The following ADAMTS17 variants were observed in gnomAD, a reference collection of about 807,000 sequenced individuals.
The protein encoded by ADAMTS17 is A disintegrin and metalloproteinase with thrombospondin motifs 17.
A neutral mutation model predicts 141.5 loss-of-function variants in ADAMTS17; 113 were observed. The observed-to-expected ratio is 0.80, with a 90% confidence interval of 0.69 to 0.93. The LOEUF is 0.93. ADAMTS17 is among the 40% of genes least tolerant of loss of function. The pLI, the probability that ADAMTS17 is intolerant of heterozygous loss-of-function variation, is 0.00. For missense variants in ADAMTS17, 1,659 were observed against 1,517.9 expected (o/e 1.09, Z -1.54); for synonymous variants, 768 against 630.6 (o/e 1.22, Z -3.27).
At chr15:100,194,245 G>C (rs576064569) in intron 8 of ADAMTS17, among the ~76,000 whole-genome samples, 31 of 152,176 alleles carry the variant, frequency 2.0e-4, no homozygotes, top group African/African-American at 7.0e-4. Flanking sequence ...ACAGGGTCCT[G>C]GGTTTCCCTA....
chr15:100,039,061 C>T (rs553083674), intron 18 of ADAMTS17, among the ~76,000 whole-genome samples: 1 of 152,312 alleles, frequency 6.6e-6, no homozygotes, highest in Non-Finnish European at 1.5e-5. Flanking sequence ...TGTTCATTCC[C>T]AATCCTTTTT....
intron 15 of ADAMTS17, among the ~76,000 whole-genome samples, chr15:100,064,831 G>A (rs549422436): frequency 2.6e-5 from 4 of 152,302 alleles, no homozygotes; most frequent in South Asian, 2.1e-4. Context: ...ATTCTGAAAC[G>A]TAGGCTGGTA....
intron 9 of ADAMTS17, among the ~76,000 whole-genome samples, 186 bp from the exon 10 acceptor site, chr15:100,152,948 A>G (rs2039250474): frequency 9.2e-5 from 2 of 21,856 alleles, no homozygotes; most frequent in South Asian, 3.4e-3. Flanking sequence ...CTTTTTCTAC[A>G]TGGCCAAATG....
chr15:100,092,574 A>T (rs910474562), intron 15 of ADAMTS17, among the ~76,000 whole-genome samples: 1 of 152,212 alleles, frequency 6.6e-6, no homozygotes, highest in Non-Finnish European at 1.5e-5. Context: ...AAGAAGCCTC[A>T]TTTTGTACCA....
intron 7 of ADAMTS17, among the ~76,000 whole-genome samples, chr15:100,214,877 G>A (rs1434478255): frequency 6.6e-6 from 1 of 152,244 alleles, no homozygotes; most frequent in African/African-American, 2.4e-5. Context: ...CCATGAAAGA[G>A]TAAAGCTTTG....
chr15:100,081,840 T>C (rs998779662), intron 15 of ADAMTS17, among the ~76,000 whole-genome samples: 4 of 152,260 alleles, frequency 2.6e-5, no homozygotes, highest in African/African-American at 4.8e-5. Context: ...TCCTATACAC[T>C]TATTGACCAT....
chr15:100,171,425 T>C (rs77173552), intron 8 of ADAMTS17, among the ~76,000 whole-genome samples: 8,698 of 152,212 alleles, frequency 0.057, 343 homozygotes, highest in East Asian at 0.17. Flanking sequence ...CGCAGGGCTA[T>C]GAAATGCATG....
chr15:100,246,689 C>T (rs143832347), intron 7 of ADAMTS17, among the ~76,000 whole-genome samples: 12 of 152,126 alleles, frequency 7.9e-5, no homozygotes, highest in African/African-American at 2.7e-4. Context: ...CATTTGCCCT[C>T]GTAGGCAATG....
chr15:100,097,412 T>C (rs1002208626), intron 14 of ADAMTS17, among the ~76,000 whole-genome samples: 14 of 152,342 alleles, frequency 9.2e-5, no homozygotes, highest in African/African-American at 2.9e-4. Context: ...AAGATAATCC[T>C]GGTGGAGGTG....
In ADAMTS17 at chr15:100,331,958, C is replaced by T. The variant is rs560057940; in HGVS notation, c.451-904G>A. Among the ~76,000 whole-genome samples the T allele has an allele frequency of 5.4e-5, 8 of 149,230 alleles. No homozygotes were observed. The East Asian group carries it at 1.5e-3, about 29-fold the overall frequency. The stretch of plus-strand genomic sequence containing the variant: ...ACTCCAGTCTCAAGTATAAAACTCA[C>T]TTAAGCCAAATGAGATAGACCCCAG... On this transcript the variant is annotated intron_variant, in intron 2 of 21. Transcript: ENST00000268070.
chr15:100,340,922 T>G, intron 2 of ADAMTS17, 117 bp downstream of exon 2: 1 of 1,451,630 alleles, frequency 6.9e-7, no homozygotes, highest in South Asian at 1.2e-5. Context: ...GGGGGTTCCC[T>G]CCGGTTCCCC....
intron 15 of ADAMTS17, among the ~76,000 whole-genome samples, chr15:100,080,646 T>C (rs1411740466): frequency 6.6e-6 from 1 of 152,182 alleles, no homozygotes; most frequent in Non-Finnish European, 1.5e-5. Context: ...GCTACAACCA[T>C]GTGACCAGCT....
intron 18 of ADAMTS17, among the ~76,000 whole-genome samples, chr15:100,009,814 T>C (rs577278171): frequency 6.6e-6 from 1 of 152,316 alleles, no homozygotes; most frequent in South Asian, 2.1e-4. Context: ...CAGATTTACA[T>C]GATTTAGACA....
rs140752654 is a variant in ADAMTS17, at chr15:100,266,893, G to C, written c.790-4458C>G. Among the ~76,000 whole-genome samples, 427 of 152,172 alleles carry C rather than the reference G, an allele frequency of 2.8e-3. 5 individuals carry two copies. Among genetic ancestry groups the C allele is most frequent in the African/African-American group, 9.6e-3 (400 of 41,512 alleles). On this transcript the variant is annotated intron_variant, in intron 4 of 21. Transcript: ENST00000268070. ...GCTCCGGAGGATGAGACCTCCGGTG[G>C]TCCCTACTCTATCCCAGCAGAGGAT...
chr15:100,091,218 C>G (rs149469090), intron 15 of ADAMTS17, among the ~76,000 whole-genome samples: 1 of 151,658 alleles, frequency 6.6e-6, no homozygotes, highest in Non-Finnish European at 1.5e-5. Flanking sequence ...AGCACCCTGG[C>G]GTCTCTCAGG....
At chr15:100,291,679 T>C (rs774920806) in intron 3 of ADAMTS17, among the ~76,000 whole-genome samples, 6 of 152,200 alleles carry the variant, frequency 3.9e-5, no homozygotes, top group Non-Finnish European at 5.9e-5. Context: ...AATGAGATCA[T>C]GTCCTCTGCA....
chr15:100,074,367 CAT>C (rs1257553089), intron 15 of ADAMTS17, among the ~76,000 whole-genome samples: 6 of 151,142 alleles, frequency 4.0e-5, no homozygotes, highest in African/African-American at 9.6e-5. Context: ...TCATATATAA[CAT>C]ATTTTATGCA....
intron 15 of ADAMTS17, among the ~76,000 whole-genome samples, chr15:100,082,726 T>C (rs1203474370): frequency 6.6e-6 from 1 of 151,860 alleles, no homozygotes; most frequent in African/African-American, 2.4e-5. Context: ...AAATAGTTAT[T>C]AGAGAACTTA....
chr15:100,205,894 C>A (rs1305650994), intron 7 of ADAMTS17, among the ~76,000 whole-genome samples: 4 of 152,172 alleles, frequency 2.6e-5, no homozygotes, highest in Non-Finnish European at 4.4e-5. Flanking sequence ...TGAAAGACAG[C>A]TGTGCCAGGG....
Sources: gnomAD v4.1 joint callset for allele counts (sites outside exome capture counted in the v4.1 genomes callset) on GRCh38, gnomAD v4.1.1 for gene constraint, MANE v1.5 for transcripts, NCBI Gene and HGNC (gene_info 2026-07-23, HGNC 2026-07-21) for gene names.